Variants in CCDC66 observed in about 807,000 individuals in gnomAD.
CCDC66 encodes coiled-coil domain containing 66.
A neutral mutation model predicts 128.3 loss-of-function variants in CCDC66; 133 were observed. The observed-to-expected ratio is 1.04, with a 90% CI of 0.90 to 1.20. CCDC66 has a LOEUF of 1.20. Ranked by LOEUF, CCDC66 falls within the 50% of genes most tolerant of loss-of-function variation. The pLI is 0.00. For synonymous variants in CCDC66, 387 were observed against 357.0 expected, an observed-to-expected ratio of 1.08 and a Z score of -0.95; for missense variants, 1,126 against 1,075.5, an observed-to-expected ratio of 1.05 and a Z score of -0.66.
rs551409418 is a variant in CCDC66, at chr3:56,602,332, G to A, written c.1404+8304G>A. On this transcript the variant is annotated intron_variant, in intron 10 of 17. Transcript: ENST00000394672. ...CCAGATATGAAGCCAACTTGATCGTGCTGGATAAGCTTTTTGATGTGCTGC... is the reference window on the plus strand; with the variant it reads ...CCAGATATGAAGCCAACTTGATCGTACTGGATAAGCTTTTTGATGTGCTGC... Among the ~76,000 whole-genome samples, 57 of 152,174 alleles carry A rather than the reference G, an allele frequency of 3.7e-4. 2 individuals are homozygous for A. Among genetic ancestry groups the A allele is most frequent in the African/African-American group, 1.4e-3 (56 of 41,454 alleles).
At chr3:56,566,344 C>T (rs895218236) in intron 4 of CCDC66, among the ~76,000 whole-genome samples, 1 of 152,078 alleles carries the variant, frequency 6.6e-6, no homozygotes, top group Non-Finnish European at 1.5e-5. Context: ...AGGCTGATCT[C>T]GAACTCCTGA....
chr3:56,576,799 G>T (rs1273152604), intron 7 of CCDC66, among the ~76,000 whole-genome samples: 1 of 150,800 alleles, frequency 6.6e-6, no homozygotes, highest in African/African-American at 2.4e-5. Flanking sequence ...CATGGTGTAT[G>T]TGTATTAATC....
intron 10 of CCDC66, among the ~76,000 whole-genome samples, chr3:56,601,010 T>C (rs1280518427): frequency 6.6e-6 from 1 of 152,126 alleles, no homozygotes; most frequent in African/African-American, 2.4e-5. Flanking sequence ...ATTTCAGCTT[T>C]TGTTGCCATT....
At chr3:56,563,187 C>G (rs2065334483) in intron 3 of CCDC66, among the ~76,000 whole-genome samples, 1 of 151,392 alleles carries the variant, frequency 6.6e-6, no homozygotes, top group Admixed American at 6.6e-5. Flanking sequence ...ATGGTGAAAC[C>G]CCGTCCCTAC....
intron 7 of CCDC66, among the ~76,000 whole-genome samples, chr3:56,590,616 G>A (rs140510546): frequency 3.9e-5 from 6 of 152,040 alleles, no homozygotes; most frequent in South Asian, 4.2e-4. Context: ...AAAAATAGCC[G>A]GGTGTGGTGG....
chr3:56,593,867 A>G (rs1220901879), intron 9 of CCDC66, 77 bp from the exon 10 acceptor site: 6 of 1,588,160 alleles, frequency 3.8e-6, no homozygotes, highest in Non-Finnish European at 5.2e-6. Context: ...TAGTAGATTT[A>G]TCCCAAACAA....
intron 7 of CCDC66, among the ~76,000 whole-genome samples, chr3:56,571,547 A>G (rs1045529097): frequency 2.0e-5 from 3 of 151,788 alleles, no homozygotes; most frequent in African/African-American, 7.3e-5. Flanking sequence ...ATGGCCAGCT[A>G]ATTTTTTGTA....
rs36051378 is a variant in CCDC66 at position 56,615,291 on chromosome 3, CTTTA to C, written c.1711+25_1711+28del. On this transcript the variant is annotated intron_variant, in intron 12 of 17. Coordinates refer to ENST00000394672, the MANE Select transcript of CCDC66 (RefSeq NM_001141947.3). Reference sequence around the variant, plus strand: ...CTTGGTGGTAAGGGCCTAACCAGAACTTTATTTATAATATTTTTAGAAGATGATT... The same window carrying C: ...CTTGGTGGTAAGGGCCTAACCAGAACTTTATAATATTTTTAGAAGATGATT... 0.043 allele frequency: 67,257 copies of C among 1,576,196 alleles called. 1,683 individuals carry two copies. Among genetic ancestry groups the C allele is most frequent in the Middle Eastern group, 0.064 (379 of 5,878 alleles).
chr3:56,560,096 T>A (rs2064900354), intron 3 of CCDC66, among the ~76,000 whole-genome samples: 1 of 152,262 alleles, frequency 6.6e-6, no homozygotes, highest in African/African-American at 2.4e-5. Context: ...AGGGGAAATT[T>A]AATTCACAAA....
intron 10 of CCDC66, among the ~76,000 whole-genome samples, chr3:56,603,290 T>G (rs1285568039): frequency 1.3e-5 from 2 of 152,052 alleles, no homozygotes; most frequent in Admixed American, 6.6e-5. Context: ...TCTCCTACAG[T>G]TCTGCTCTAA....
Position 56,621,544 on chromosome 3 carries a change from A to T in CCDC66, c.2773A>T (p.Lys925Ter), listed in dbSNP as rs2076638333. 1.9e-6 allele frequency: 3 copies of T among 1,593,102 alleles called. No individual in the cohort carries two copies. The East Asian group carries it at 6.7e-5, about 36-fold the overall frequency. ...LSELRQGLLQKQKELESSLLP... is the reference protein window; with the variant it reads ...LSELRQGLLQ Reference sequence around the variant, plus strand: ...AATGTGATTTCAGGGCCTTCTCCAGAAGCAAAAGGAGTTGGAAAGTAGTCT... The same window carrying T: ...AATGTGATTTCAGGGCCTTCTCCAGTAGCAAAAGGAGTTGGAAAGTAGTCT... The change falls in exon 18 of 18, where the codon AAG (lysine) becomes TAG (stop). Residue 925 changes from lysine to a stop codon, truncating the protein, a stop_gained. Coordinates refer to ENST00000394672, the MANE Select transcript of CCDC66 (RefSeq NM_001141947.3). LOFTEE classifies it high-confidence loss of function.
Position 56,619,283 on chromosome 3 carries a change from A to AC in CCDC66, c.2393dup (p.Val799SerfsTer23). 6.3e-7 allele frequency: 1 copy of AC among 1,597,330 alleles called. No homozygotes were observed. The highest frequency in any genetic ancestry group is 8.5e-7 in the Non-Finnish European group (1 of 1,173,654). Reference sequence around the variant, plus strand: ...TTTTTTTAAATAGGTCTCCATCATCACCAGTTCCAGTAGTGAAAAACAGAA... The same window carrying AC: ...TTTTTTTAAATAGGTCTCCATCATCACCCAGTTCCAGTAGTGAAAAACAGAA... On this transcript the variant is annotated frameshift_variant, in exon 16 of 18. Transcript: ENST00000394672. LOFTEE classifies it high-confidence loss of function.
chr3:56,565,135 TG>T (rs1039114254), intron 4 of CCDC66: 3 of 424,022 alleles, frequency 7.1e-6, no homozygotes, highest in Non-Finnish European at 9.6e-6. Flanking sequence ...ATATTATAGC[TG>T]GGCATAGAGA....
intron 9 of CCDC66, 38 bp downstream of exon 9, chr3:56,593,779 A>G: frequency 1.2e-6 from 2 of 1,600,870 alleles, no homozygotes; most frequent in Non-Finnish European, 1.7e-6. Context: ...CTTTTCAGAA[A>G]GTCTGTGTGC....
At chr3:56,572,452 T>C in intron 7 of CCDC66, 1 of 1,153,742 alleles carries the variant, frequency 8.7e-7, no homozygotes, top group Non-Finnish European at 1.1e-6. Context: ...GTCAGTACTT[T>C]GGATATTTAA....
chr3:56,558,291 G>T (rs890434901), intron 1 of CCDC66, among the ~76,000 whole-genome samples: 33 of 152,118 alleles, frequency 2.2e-4, no homozygotes, highest in Admixed American at 1.8e-3. Context: ...GTTGGCAGTG[G>T]CTACTGTTAC....
At chr3:56,607,088 T>G (rs1212666168) in intron 10 of CCDC66, among the ~76,000 whole-genome samples, 2 of 152,194 alleles carry the variant, frequency 1.3e-5, no homozygotes, top group Admixed American at 1.3e-4. Context: ...TGCCTCCAGA[T>G]TTGTTCTTTT....
At chr3:56,602,634 A>C (rs1248710220) in intron 10 of CCDC66, among the ~76,000 whole-genome samples, 2 of 151,818 alleles carry the variant, frequency 1.3e-5, no homozygotes, top group African/African-American at 4.9e-5. Context: ...TAGGCTATTA[A>C]TTATTGCCTC....
chr3:56,609,933 G>A (rs1344782435), intron 10 of CCDC66, among the ~76,000 whole-genome samples: 2 of 152,210 alleles, frequency 1.3e-5, no homozygotes, highest in African/African-American at 2.4e-5. Flanking sequence ...GGTTTCTGCT[G>A]AGAAATCTGC....
Sources: allele counts gnomAD v4.1 joint callset (sites outside exome capture counted in the v4.1 genomes callset), GRCh38; gene constraint gnomAD v4.1.1; transcripts MANE v1.5; gene names NCBI Gene and HGNC (gene_info 2026-07-23, HGNC 2026-07-21).